The following TNS3 variants were observed in gnomAD, a reference collection of about 807,000 sequenced individuals.
The protein encoded by TNS3 is tensin 3, also known as tensin-3.
TNS3 carries 45 observed loss-of-function variants against 140.9 expected under a neutral mutation model. The observed-to-expected ratio is 0.32, with a 90% CI of 0.25 to 0.41. The LOEUF is 0.41. Ranked by LOEUF, TNS3 falls within the 10% of genes least tolerant of loss-of-function variation. The pLI is 1.00. For missense variants in TNS3, 1,716 were observed against 1,906.7 expected (o/e 0.90, Z 1.86); for synonymous variants, 815 against 788.4 (o/e 1.03, Z -0.56).
At chr7:47,293,107 T>A (rs1785804288) in intron 25 of TNS3, among the ~76,000 whole-genome samples, 1 of 152,244 alleles carries the variant, frequency 6.6e-6, no homozygotes, top group Admixed American at 6.5e-5. Flanking sequence ...GGTAAGTAAA[T>A]GGAACTGTTT....
chr7:47,512,973 C>T (rs1206008325), intron 2 of TNS3, among the ~76,000 whole-genome samples: 1 of 152,090 alleles, frequency 6.6e-6, no homozygotes, highest in East Asian at 1.9e-4. Context: ...CACAAACAAA[C>T]TTAGACAAGC....
chr7:47,325,007 T>C (rs979651525), intron 20 of TNS3, among the ~76,000 whole-genome samples: 3 of 151,982 alleles, frequency 2.0e-5, no homozygotes, highest in Non-Finnish European at 4.4e-5. Flanking sequence ...GCAGAAGTGA[T>C]GGGACCACTG....
At chr7:47,442,889 C>T (rs1411779834) in intron 4 of TNS3, among the ~76,000 whole-genome samples, 2 of 152,246 alleles carry the variant, frequency 1.3e-5, no homozygotes, top group Non-Finnish European at 2.9e-5. Flanking sequence ...CCCCCGATCA[C>T]ACCTGGGATC....
At chr7:47,436,682 G>A (rs1208478656) in intron 7 of TNS3, among the ~76,000 whole-genome samples, 3 of 152,162 alleles carry the variant, frequency 2.0e-5, no homozygotes, top group African/African-American at 7.2e-5. Flanking sequence ...GATACTAGCA[G>A]AAGAGAGCCC....
intron 20 of TNS3, among the ~76,000 whole-genome samples, chr7:47,344,326 C>T (rs571021362): frequency 2.0e-5 from 3 of 152,266 alleles, no homozygotes; most frequent in African/African-American, 4.8e-5. Flanking sequence ...TGATTAGGCA[C>T]CCACTAATAA....
chr7:47,576,258 C>T (rs1174134768), intron 1 of TNS3, among the ~76,000 whole-genome samples: 1 of 152,176 alleles, frequency 6.6e-6, no homozygotes, highest in Non-Finnish European at 1.5e-5. Context: ...TCAGCAGGAC[C>T]AAAGTACACT....
At chr7:47,388,039 G>C (rs1273801576) in intron 16 of TNS3, among the ~76,000 whole-genome samples, 2 of 152,184 alleles carry the variant, frequency 1.3e-5, no homozygotes, top group African/African-American at 4.8e-5. Flanking sequence ...GGAGAGAAAG[G>C]TTCTACGCAC....
At chr7:47,388,802 G>A (rs904269738) in intron 16 of TNS3, among the ~76,000 whole-genome samples, 6 of 152,048 alleles carry the variant, frequency 3.9e-5, no homozygotes, top group African/African-American at 1.5e-4. Context: ...GGGAGGTGGA[G>A]GTTGCAGTGA....
chr7:47,531,850 T>G (rs1027769891), intron 1 of TNS3, among the ~76,000 whole-genome samples: 1 of 152,282 alleles, frequency 6.6e-6, no homozygotes, highest in African/African-American at 2.4e-5. Context: ...CAAGCCTCCC[T>G]GCGCTCTTGA....
In TNS3 at chr7:47,369,218, G is replaced by A; in HGVS notation, c.1428C>T (p.Asp476=). ...GGTGGGGCATCTCGTCATCCAGAAT[G>A]TCTGTCTCCCGATCCTTCAGAGCAG... The part of the protein sequence containing the change: ...GDAALKDRET[D]ILDDEMPHHD... The change falls in exon 17 of 31, where the codon GAC becomes GAT. Residue 476 remains aspartate (D), a synonymous_variant. Coordinates refer to ENST00000311160, the MANE Select transcript of TNS3 (RefSeq NM_022748.12). The A allele has an allele frequency of 6.2e-7, 1 of 1,614,224 alleles. No individual in the cohort carries two copies. Among genetic ancestry groups the A allele is most frequent in the Admixed American group, 1.7e-5 (1 of 60,034 alleles).
intron 10 of TNS3, among the ~76,000 whole-genome samples, chr7:47,419,082 C>G (rs936911828): frequency 6.6e-6 from 1 of 150,732 alleles, no homozygotes; most frequent in African/African-American, 2.4e-5. Context: ...ATTCCCTTCC[C>G]TCTCATGTAA....
intron 17 of TNS3, among the ~76,000 whole-genome samples, chr7:47,356,688 T>G (rs1367529463): frequency 6.6e-6 from 1 of 152,242 alleles, no homozygotes; most frequent in Admixed American, 6.5e-5. Flanking sequence ...TTGGTTTGAC[T>G]GTAGTGATCC....
At chr7:47,450,424 G>A in intron 4 of TNS3, among the ~76,000 whole-genome samples, 1 of 152,234 alleles carries the variant, frequency 6.6e-6, no homozygotes, top group East Asian at 1.9e-4. Flanking sequence ...GGATACACAT[G>A]ACTATAAACT....
In TNS3 at chr7:47,290,838, C is replaced by A. The variant is rs904217690; in HGVS notation, c.3928+1117G>T. 6.6e-5 allele frequency among the ~76,000 whole-genome samples: 10 copies of A among 152,318 alleles called. No individual in the cohort carries two copies. The South Asian group carries it at 1.0e-3, about 16-fold the overall frequency. On this transcript the variant is annotated intron_variant, in intron 27 of 30. Transcript: ENST00000311160. ...CCAGGAATGCGCTCCTTGGTATCTACGCACAGGAGTTGAAAACTTATATCC... is the reference window on the plus strand; with the variant it reads ...CCAGGAATGCGCTCCTTGGTATCTAAGCACAGGAGTTGAAAACTTATATCC...
At chr7:47,524,748 G>A (rs1799120848) in intron 2 of TNS3, among the ~76,000 whole-genome samples, 1 of 141,216 alleles carries the variant, frequency 7.1e-6, no homozygotes, top group Non-Finnish European at 1.5e-5. Context: ...CTTGCAGTGA[G>A]CCGAGATCGC....
intron 2 of TNS3, among the ~76,000 whole-genome samples, chr7:47,510,126 G>A (rs1798556187): frequency 6.6e-6 from 1 of 152,202 alleles, no homozygotes; most frequent in African/African-American, 2.4e-5. Flanking sequence ...TTCACGTGCT[G>A]GACAACTGTG....
intron 1 of TNS3, among the ~76,000 whole-genome samples, chr7:47,532,160 G>A (rs548505429): frequency 6.6e-6 from 1 of 152,270 alleles, no homozygotes; most frequent in East Asian, 1.9e-4. Context: ...TCTCAGAGCG[G>A]GATTGGGGAC....
chr7:47,330,261 C>A (rs1258130091), intron 20 of TNS3, among the ~76,000 whole-genome samples: 1 of 152,098 alleles, frequency 6.6e-6, no homozygotes, highest in East Asian at 1.9e-4. Context: ...AAGAGGACAG[C>A]CCACCCCACC....
intron 3 of TNS3, among the ~76,000 whole-genome samples, chr7:47,489,230 A>G (rs989856310): frequency 2.0e-5 from 3 of 152,214 alleles, no homozygotes; most frequent in South Asian, 2.1e-4. Context: ...CGGAAGAGAA[A>G]GAGAAGGAAA....
Sources: gnomAD v4.1 joint callset for allele counts (sites outside exome capture counted in the v4.1 genomes callset) on GRCh38, gnomAD v4.1.1 for gene constraint, MANE v1.5 for transcripts, NCBI Gene and HGNC (gene_info 2026-07-23, HGNC 2026-07-21) for gene names.